Variants in ORC3 observed in about 807,000 individuals in gnomAD.
The protein encoded by ORC3 is homolog of latheo, Drosophila.
Under a neutral mutation model 100.7 loss-of-function variants are expected in ORC3, and 78 were observed. The observed-to-expected ratio is 0.77, with a 90% CI of 0.65 to 0.94. The LOEUF (loss-of-function observed/expected upper bound fraction) is 0.94. Ranked by LOEUF, ORC3 falls within the 40% of genes least tolerant of loss-of-function variation. The pLI is 0.00. For synonymous variants in ORC3, 295 were observed against 289.3 expected (o/e 1.02, Z -0.20); for missense variants, 789 against 823.9 (o/e 0.96, Z 0.52).
Position 87,667,229 on chromosome 6 carries a change from G to A in ORC3, c.*106G>A. Reference sequence around the variant, plus strand: ...AGCCTGTTTTGTTGAGAAGATAAATGTGTAACCCCCATTGATGTTTAACCA... The same window carrying A: ...AGCCTGTTTTGTTGAGAAGATAAATATGTAACCCCCATTGATGTTTAACCA... On this transcript the variant is annotated 3_prime_UTR_variant, in exon 20 of 20. Transcript: ENST00000392844. 1.6e-6 allele frequency: 1 copy of A among 642,906 alleles called. No homozygotes were observed. Among genetic ancestry groups the A allele is most frequent in the Non-Finnish European group, 2.7e-6 (1 of 377,014 alleles). The allele number at this position is 642,906 out of a possible 1,614,324, so 39.8% of individuals were successfully genotyped here.
Position 87,663,098 on chromosome 6 carries a change from G to T in ORC3, c.1787G>T (p.Arg596Leu), listed in dbSNP as rs781229815. Reference protein sequence around the residue: ...ALREHLNAAPRIALHTALNNP... With the variant: ...ALREHLNAAPLIALHTALNNP... ...CGTGAGCATTTAAATGCTGCTCCGC[G>T]AATTGCCCTCCATACTGCACTCAAC... Residue 596 changes from arginine to leucine, a missense_variant, in exon 17 of 20, where the codon CGA (arginine) becomes CTA (leucine). Around this residue, in one of 3 missense-constraint regions of ORC3, gnomAD observed 366 missense variants for 394.2 expected, o/e 0.93. Transcript: ENST00000392844. 5.0e-6 allele frequency: 8 copies of T among 1,612,840 alleles called. No homozygotes were observed. In the South Asian group the frequency reaches 5.5e-5, roughly 11 times the overall value.
At chr6:87,652,841 C>T (rs752274924) in intron 13 of ORC3, among the ~76,000 whole-genome samples, 1 of 152,086 alleles carries the variant, frequency 6.6e-6, no homozygotes, top group Non-Finnish European at 1.5e-5. Flanking sequence ...TGTATAATAA[C>T]CTTATTCTTT....
chr6:87,615,182 G>C (rs902304970), intron 8 of ORC3, among the ~76,000 whole-genome samples: 9 of 152,152 alleles, frequency 5.9e-5, no homozygotes, highest in Admixed American at 2.6e-4. Flanking sequence ...TTGTGCAGGG[G>C]AACTCCTCTT....
chr6:87,644,238 G>A (rs1004642423), intron 13 of ORC3, among the ~76,000 whole-genome samples: 2 of 148,178 alleles, frequency 1.3e-5, no homozygotes, highest in Admixed American at 6.7e-5. Context: ...GACTACAGGC[G>A]CCCGCCACTA....
chr6:87,594,110 A>G (rs1265545770), intron 1 of ORC3, among the ~76,000 whole-genome samples: 2 of 152,272 alleles, frequency 1.3e-5, no homozygotes, highest in Non-Finnish European at 2.9e-5. Flanking sequence ...GTCAAAGAGC[A>G]AAATCAAAAA....
chr6:87,625,868 G>A (rs543990095), intron 11 of ORC3, among the ~76,000 whole-genome samples: 19 of 152,194 alleles, frequency 1.2e-4, no homozygotes, highest in African/African-American at 4.3e-4. Context: ...TTTTTATAAG[G>A]TTAAGGAAGG....
chr6:87,618,768 T>G (rs1779337710), intron 9 of ORC3, among the ~76,000 whole-genome samples: 1 of 151,972 alleles, frequency 6.6e-6, no homozygotes, highest in African/African-American at 2.4e-5. Flanking sequence ...CATAGGATGT[T>G]CTGTTGTTTT....
At chr6:87,617,616 C>T (rs534870024) in intron 9 of ORC3, among the ~76,000 whole-genome samples, 1 of 151,996 alleles carries the variant, frequency 6.6e-6, no homozygotes, top group Non-Finnish European at 1.5e-5. Flanking sequence ...TTTATAGAGT[C>T]CCAGGTCCTC....
At chr6:87,631,043 ATT>A (rs11414874) in intron 11 of ORC3, among the ~76,000 whole-genome samples, 9 of 136,518 alleles carry the variant, frequency 6.6e-5, no homozygotes, top group Admixed American at 2.2e-4. Context: ...GCTAATTTAA[ATT>A]TTTTTTTTTT....
At chr6:87,646,782 G>C (rs1351891017) in intron 13 of ORC3, among the ~76,000 whole-genome samples, 2 of 152,036 alleles carry the variant, frequency 1.3e-5, no homozygotes, top group Non-Finnish European at 2.9e-5. Context: ...GGGCTTAATC[G>C]TAAGCCTATA....
intron 2 of ORC3, among the ~76,000 whole-genome samples, chr6:87,596,645 T>C (rs1175191387): frequency 6.6e-6 from 1 of 152,170 alleles, no homozygotes; most frequent in Non-Finnish European, 1.5e-5. Flanking sequence ...TAATTATTTG[T>C]AAATTATACC....
intron 11 of ORC3, among the ~76,000 whole-genome samples, chr6:87,623,589 A>T (rs375537641): frequency 6.6e-6 from 1 of 152,158 alleles, no homozygotes; most frequent in East Asian, 1.9e-4. Flanking sequence ...TATTATAGAA[A>T]TTGCCTGACA....
intron 1 of ORC3, among the ~76,000 whole-genome samples, chr6:87,592,356 T>G (rs1164869005): frequency 6.6e-6 from 1 of 152,188 alleles, no homozygotes. Context: ...CAGGGCTGTG[T>G]GCAGTGGCTC....
intron 15 of ORC3, among the ~76,000 whole-genome samples, chr6:87,657,331 A>G (rs1323663739): frequency 6.6e-6 from 1 of 152,230 alleles, no homozygotes; most frequent in African/African-American, 2.4e-5. Flanking sequence ...TGAGAGATTT[A>G]AAAGAGCCTA....
At chr6:87,612,839 C>T (rs571766843) in intron 8 of ORC3, among the ~76,000 whole-genome samples, 1 of 152,240 alleles carries the variant, frequency 6.6e-6, no homozygotes, top group Middle Eastern at 3.4e-3. Context: ...AACTCCTGAC[C>T]TCAAGTGATC....
rs1368778419 is a variant in ORC3, at chr6:87,627,290, C to T, written c.1185+5277C>T. Among the ~76,000 whole-genome samples, 46 of 141,276 alleles carry T rather than the reference C, an allele frequency of 3.3e-4. 1 individual carries two copies. Among genetic ancestry groups the T allele is most frequent in the Admixed American group, 2.8e-3 (38 of 13,712 alleles). The allele number at this position is 141,276 out of a possible 152,430, so 92.7% of individuals were successfully genotyped here. A position where few individuals can be genotyped will look rare whatever the true frequency, so the allele number is the denominator to read the frequency against. The stretch of plus-strand genomic sequence containing the variant: ...CTGGGATTACAGGTGTGAGCCACCG[C>T]GCCCAGCTTTTTTTTTTTTTTTTTT... On this transcript the variant is annotated intron_variant, in intron 11 of 19. Coordinates refer to ENST00000392844, the MANE Select transcript of ORC3 (RefSeq NM_012381.4).
At chr6:87,650,006 G>T (rs577029773) in intron 13 of ORC3, among the ~76,000 whole-genome samples, 1 of 149,970 alleles carries the variant, frequency 6.7e-6, no homozygotes, top group Non-Finnish European at 1.5e-5. Context: ...ACATTATATG[G>T]ATATGTATAT....
At chr6:87,636,663 A>G (rs572720516) in intron 13 of ORC3, among the ~76,000 whole-genome samples, 177 bp downstream of exon 13, 3 of 152,238 alleles carry the variant, frequency 2.0e-5, no homozygotes, top group Non-Finnish European at 2.9e-5. Flanking sequence ...TAATATAGCA[A>G]CTATCCGTTT....
At chr6:87,598,040 T>C (rs891876425) in intron 2 of ORC3, among the ~76,000 whole-genome samples, 1 of 152,194 alleles carries the variant, frequency 6.6e-6, no homozygotes, top group African/African-American at 2.4e-5. Context: ...CAGACTGTTT[T>C]GTTTTTCAAG....
Sources: allele counts gnomAD v4.1 joint callset (sites outside exome capture counted in the v4.1 genomes callset), GRCh38; gene constraint gnomAD v4.1.1; regional missense constraint gnomAD v4.1.1; transcripts MANE v1.5; gene names NCBI Gene and HGNC (gene_info 2026-07-23, HGNC 2026-07-21).